Variants in SLC25A41 observed in about 807,000 individuals in gnomAD.
The protein encoded by SLC25A41 is solute carrier family 25 member 41, also known as mitochondrial carrier protein SCaMC-3L.
Under a neutral mutation model 34.7 loss-of-function variants are expected in SLC25A41, and 35 were observed. That is an observed-to-expected ratio of 1.01 (90% confidence interval 0.77 to 1.34). SLC25A41 has a LOEUF of 1.34. Ranked by LOEUF, SLC25A41 falls within the 40% of genes most tolerant of loss-of-function variation. The pLI is 0.00. For missense variants in SLC25A41, 492 were observed against 489.8 expected (o/e 1.00, Z -0.04); for synonymous variants, 190 against 209.9 (o/e 0.91, Z 0.82).
intron 4 of SLC25A41, among the ~76,000 whole-genome samples, chr19:6,428,439 G>A (rs1039695558): frequency 6.1e-5 from 9 of 146,518 alleles, no homozygotes; most frequent in East Asian, 2.0e-4. Context: ...AAAAAGGAGG[G>A]TTTCCGGTCC....
Position 6,429,039 on chromosome 19 carries a change from AATATATATATTATATATATGT to A in SLC25A41, c.624+664_624+684del, listed in dbSNP as rs1283580867. Among the ~76,000 whole-genome samples the A allele has an allele frequency of 6.0e-3, 163 of 26,972 alleles. 19 individuals are homozygous for A. Among genetic ancestry groups the A allele is most frequent in the African/African-American group, 0.041 (159 of 3,886 alleles). 17.7% of individuals were successfully genotyped at this position (26,972 alleles called of 152,430 possible). A position where few individuals can be genotyped will look rare whatever the true frequency, so the allele number is the denominator to read the frequency against. ...CCTGAAAATTTATATATATATATAT[AATATATATATTATATATATGT>A]TATATATATATATAATATATATATT... is the stretch of plus-strand genomic sequence containing the variant. On this transcript the variant is annotated intron_variant, in intron 4 of 6. Coordinates refer to ENST00000321510, the MANE Select transcript of SLC25A41 (RefSeq NM_173637.4).
At chr19:6,435,224 A>AAAAAAAAAAAAAAG (rs919965826), upstream of SLC25A41, among the ~76,000 whole-genome samples, 2 of 136,826 alleles carry the variant, frequency 1.5e-5, no homozygotes, top group Non-Finnish European at 3.1e-5. Context: ...ACCCTGTCTC[A>AAAAAAAAAAAAAAG]AAAAAAAAAA....
At chr19:6,430,909 G>A (rs2092283074) in intron 2 of SLC25A41, among the ~76,000 whole-genome samples, 1 of 152,068 alleles carries the variant, frequency 6.6e-6, no homozygotes, top group South Asian at 2.1e-4. Flanking sequence ...AAACTCCTGG[G>A]CTCAAGTGAT....
At chr19:6,431,271 C>G (rs974953135) in intron 2 of SLC25A41, among the ~76,000 whole-genome samples, 4 of 151,632 alleles carry the variant, frequency 2.6e-5, no homozygotes, top group African/African-American at 9.7e-5. Flanking sequence ...TTTTTTCAGC[C>G]AGGGATCTCG....
At position 6,432,058 on chromosome 19, in the gene SLC25A41, C is replaced by T. The variant is rs747017185; in HGVS notation, c.354G>A (p.Val118=). 8.7e-6 allele frequency: 14 copies of T among 1,611,474 alleles called. No individual in the cohort carries two copies. The African/African-American group carries it at 1.6e-4, about 18-fold the overall frequency. The change falls in exon 2 of 7, where the codon GTG becomes GTA. Residue 118 remains valine, a synonymous_variant. Coordinates refer to ENST00000321510, the MANE Select transcript of SLC25A41 (RefSeq NM_173637.4). The stretch of plus-strand genomic sequence containing the variant: ...CCCAACCCACACAAACCTGCATGTA[C>T]ACCTTGGCTCTGTCCAGAGGTGCCG... The part of the protein sequence containing the change: ...TGTAPLDRAK[V]YMQVYSSKTN...
At chr19:6,433,863 C>T, upstream of SLC25A41, 1 of 492,626 alleles carries the variant, frequency 2.0e-6, no homozygotes, top group South Asian at 4.1e-5. Context: ...GGCCCCCTTC[C>T]CCCAAGTATC....
In SLC25A41 at chr19:6,430,144, C is replaced by A; in HGVS notation, c.381G>T (p.Thr127=). 1 of 1,612,536 alleles carries A rather than the reference C, an allele frequency of 6.2e-7. No individual in the cohort carries two copies. The highest frequency in any genetic ancestry group is 1.3e-5 in the African/African-American group (1 of 74,988). ...KVYMQVYSSK[T]NFTNLLGGLQ... ...GCCCCCCCAGCAGGTTGGTGAAGTTCGTCTTGGAGGAGTAGACCTGGGTGG... is the reference window on the plus strand; with the variant it reads ...GCCCCCCCAGCAGGTTGGTGAAGTTAGTCTTGGAGGAGTAGACCTGGGTGG... The change falls in exon 3 of 7, where the codon ACG becomes ACT. Residue 127 remains threonine, a synonymous_variant. Transcript: ENST00000321510.
At chr19:6,426,977 T>C (rs2092244826) in intron 6 of SLC25A41, 126 bp downstream of exon 6, 1 of 1,080,692 alleles carries the variant, frequency 9.3e-7, no homozygotes, top group South Asian at 1.6e-5. Context: ...GTCTCAAAAG[T>C]TATCAAAAGT....
intron 6 of SLC25A41, 125 bp from the exon 7 acceptor site, chr19:6,426,686 T>G: frequency 1.0e-6 from 1 of 955,442 alleles, no homozygotes; most frequent in Non-Finnish European, 1.6e-6. Context: ...GAAAACAGTT[T>G]GAAGAGTCTT....
At chr19:6,434,377 G>C (rs555692534), upstream of SLC25A41, among the ~76,000 whole-genome samples, 1 of 152,292 alleles carries the variant, frequency 6.6e-6, no homozygotes, top group African/African-American at 2.4e-5. Context: ...ATAAGGAAAA[G>C]ACAAACCAGA....
Position 6,426,571 on chromosome 19 carries a change from C to T in SLC25A41, c.941-10G>A, listed in dbSNP as rs772564092. Reference sequence around the variant, plus strand: ...GAGCCCTCCACGGTATCTGCAGGGACACAGGCAAGATCAGGACTAGGCCAG... The same window carrying T: ...GAGCCCTCCACGGTATCTGCAGGGATACAGGCAAGATCAGGACTAGGCCAG... On this transcript the variant is annotated splice_polypyrimidine_tract_variant and intron_variant, in intron 6 of 6. Coordinates refer to ENST00000321510, the MANE Select transcript of SLC25A41 (RefSeq NM_173637.4). 1.9e-6 allele frequency: 3 copies of T among 1,611,168 alleles called. No homozygotes were observed. Among genetic ancestry groups the T allele is most frequent in the Middle Eastern group, 3.4e-4 (2 of 5,834 alleles).
intron 1 of SLC25A41, 106 bp from the exon 2 acceptor site, chr19:6,432,310 A>G: frequency 7.9e-7 from 1 of 1,267,164 alleles, no homozygotes; most frequent in South Asian, 1.6e-5. Context: ...CTGTTCCCCC[A>G]AGTCTGCATT....
rs2092267619 is a variant in SLC25A41, at chr19:6,429,166, T to TATATATTATATATATATA, written c.624+557_624+558insTATATATATATAATATAT. On this transcript the variant is annotated intron_variant, in intron 4 of 6. Transcript: ENST00000321510. ...TATAATATATATATTATATATATAA[T>TATATATTATATATATATA]ATATATATAATATATATATGTTATA... 2.3e-4 allele frequency among the ~76,000 whole-genome samples: 8 copies of TATATATTATATATATATA among 34,506 alleles called. 1 individual carries two copies. The highest frequency in any genetic ancestry group is 1.2e-3 in the African/African-American group (8 of 6,592). The allele number at this position is 34,506 out of a possible 152,430, so 22.6% of individuals were successfully genotyped here.
rs547784175 is a variant in SLC25A41 at position 6,432,793 on chromosome 19, C to G, written c.208-589G>C. Among the ~76,000 whole-genome samples the G allele has an allele frequency of 2.0e-5, 3 of 151,716 alleles. No homozygotes were observed. The East Asian group carries it at 5.8e-4, about 30-fold the overall frequency. On this transcript the variant is annotated intron_variant, in intron 1 of 6. Transcript: ENST00000321510. Reference sequence around the variant, plus strand: ...TCAAGTGATTCTCTTGCCTCAGCCTCCCCAGTAGCTGGGATTACAGTGCCA... The same window carrying G: ...TCAAGTGATTCTCTTGCCTCAGCCTGCCCAGTAGCTGGGATTACAGTGCCA...
chr19:6,426,653 G>A (rs957663904), intron 6 of SLC25A41, 92 bp from the exon 7 acceptor site: 2 of 1,464,360 alleles, frequency 1.4e-6, no homozygotes, highest in Non-Finnish European at 1.9e-6. Context: ...GAAGCCACGG[G>A]TAGGGGCCCC....
intron 4 of SLC25A41, 125 bp downstream of exon 4, chr19:6,429,599 G>T: frequency 1.6e-6 from 1 of 624,626 alleles, no homozygotes; most frequent in Non-Finnish European, 2.7e-6. Context: ...GGGGAGGAGG[G>T]AGAAGTGTGA....
intron 2 of SLC25A41, 50 bp from the exon 3 acceptor site, chr19:6,430,211 T>C (rs2092279278): frequency 1.3e-6 from 2 of 1,543,222 alleles, no homozygotes; most frequent in Admixed American, 2.0e-5. Context: ...TCTGTCTCCG[T>C]CCCCATCCCT....
chr19:6,428,286 A>G (rs1278124681), intron 4 of SLC25A41, among the ~76,000 whole-genome samples: 1 of 151,650 alleles, frequency 6.6e-6, no homozygotes, highest in African/African-American at 2.4e-5. Context: ...GTGTGGTGGC[A>G]GGCAGCTGTA....
chr19:6,429,071 TATAA>T (rs1453927673), intron 4 of SLC25A41, among the ~76,000 whole-genome samples: 2 of 65,136 alleles, frequency 3.1e-5, no homozygotes, highest in African/African-American at 1.6e-4. Flanking sequence ...TATATATATA[TATAA>T]TATATATATT....
Sources: gnomAD v4.1 joint callset for allele counts (sites outside exome capture counted in the v4.1 genomes callset) on GRCh38, gnomAD v4.1.1 for gene constraint, MANE v1.5 for transcripts, NCBI Gene and HGNC (gene_info 2026-07-23, HGNC 2026-07-21) for gene names.